GHDC: variants seen among roughly 807,000 people sequenced by gnomAD.
The protein encoded by GHDC is GH3 domain-containing protein.
In GHDC, 39 loss-of-function variants were observed where a neutral mutation model predicts 51.5. That is an observed-to-expected ratio of 0.76 (90% CI 0.59 to 0.99). The LOEUF (loss-of-function observed/expected upper bound fraction) is 0.99. Among genes scored for constraint, GHDC ranks in the 50% least tolerant of loss-of-function variants. The pLI is 0.00. For synonymous variants in GHDC, 282 were observed against 305.2 expected (o/e 0.92, Z 0.79); for missense variants, 610 against 672.8 (o/e 0.91, Z 1.03).
At position 42,189,777 on chromosome 17, in the gene GHDC, A is replaced by C. The variant is rs1598284550; in HGVS notation, c.1519T>G (p.Phe507Val). ...AGGACCCGGGGCATCGCAGGGGGGA[A>C]GGGGGAGGAGGGGCAGGCAGCGAGG... is the stretch of plus-strand genomic sequence containing the variant. ...AALAACPSSP[F>V]PPAMPRVLRH... The change falls in exon 10 of 10, where the codon TTC (phenylalanine) becomes GTC (valine). Residue 507 changes from phenylalanine to valine, a missense_variant. Around this residue, in one of 2 missense-constraint regions of GHDC, gnomAD observed 412 missense variants for 410.4 expected, o/e 1.00. Transcript: ENST00000587427. 6 of 1,535,322 alleles carry C rather than the reference A, an allele frequency of 3.9e-6. No homozygotes were observed. Among genetic ancestry groups the C allele is most frequent in the East Asian group, 2.3e-5 (1 of 42,670 alleles).
Position 42,189,118 on chromosome 17 carries a change from C to G in GHDC, c.*585G>C. On this transcript the variant is annotated 3_prime_UTR_variant, in exon 10 of 10. Transcript: ENST00000587427. ...TGCAAGAGGTTTATTTGGGAGCCAT[C>G]CCAGGAAGCCCAAGGCGGGGGAGTG... 1 of 398,728 alleles carries G rather than the reference C, an allele frequency of 2.5e-6. No individual in the cohort carries two copies. The highest frequency in any genetic ancestry group is 4.4e-6 in the Non-Finnish European group (1 of 226,148). 24.7% of individuals were successfully genotyped at this position (398,728 alleles called of 1,614,324 possible). A position where few individuals can be genotyped will look rare whatever the true frequency, so the allele number is the denominator to read the frequency against.
At chr17:42,190,981 T>C (rs1254083166) in intron 6 of GHDC, 37 bp downstream of exon 6, 4 of 1,564,912 alleles carry the variant, frequency 2.6e-6, no homozygotes, top group Non-Finnish European at 3.5e-6. Flanking sequence ...CACGGTCCCA[T>C]AGGGCCCCAG....
rs1161216859 is a variant in GHDC, at chr17:42,192,978, G to A, written c.315C>T (p.Thr105=). The part of the protein sequence containing the change: ...NHLPLTKASQ[T]QQEDSGEQPL... ...GCTGCTCTCCACTGTCTTCCTGCTG[G>A]GTCTGGCTGGCCTTGGTCAGAGGGA... Residue 105 remains threonine (T), a synonymous_variant, in exon 4 of 10, where the codon ACC becomes ACT. Coordinates refer to ENST00000587427, the MANE Select transcript of GHDC (RefSeq NM_032484.5). 6.2e-7 allele frequency: 1 copy of A among 1,614,114 alleles called. No homozygotes were observed. Among genetic ancestry groups the A allele is most frequent in the South Asian group, 1.1e-5 (1 of 91,084 alleles).
Position 42,190,890 on chromosome 17 carries a change from C to T in GHDC, c.1096G>A (p.Asp366Asn). 1 of 1,608,948 alleles carries T rather than the reference C, an allele frequency of 6.2e-7. No homozygotes were observed. The highest frequency in any genetic ancestry group is 1.1e-5 in the South Asian group (1 of 90,696). Residue 366 changes from aspartate (D) to asparagine (N), a missense_variant, in exon 7 of 10, where the codon GAT becomes AAT. By Grantham distance (23) the Asp-to-Asn change is conservative. Transcript: ENST00000587427. ...RASLTRCRLG[D>N]VVRVVGAYNQ... is the part of the protein sequence containing the mutation. ...TAGGCACCAACCACTCGCACCACATCACCCAGGCGGCACCTGATGGGGTGC... is the reference window on the plus strand; with the variant it reads ...TAGGCACCAACCACTCGCACCACATTACCCAGGCGGCACCTGATGGGGTGC...
chr17:42,190,545 C>A, intron 8 of GHDC, 79 bp downstream of exon 8: 1 of 1,514,194 alleles, frequency 6.6e-7, no homozygotes, highest in Non-Finnish European at 8.8e-7. Context: ...TATCTCTTTC[C>A]TAGCAGTCCC....
chr17:42,191,869 C>T (rs1235448516), intron 5 of GHDC, among the ~76,000 whole-genome samples: 1 of 150,282 alleles, frequency 6.7e-6, no homozygotes, highest in African/African-American at 2.5e-5. Flanking sequence ...TTTAAGCAAT[C>T]CTCCCGCCTC....
chr17:42,190,420 T>A, intron 8 of GHDC, 150 bp from the exon 9 acceptor site: 4 of 1,514,570 alleles, frequency 2.6e-6, no homozygotes, highest in Non-Finnish European at 3.6e-6. Context: ...GAGAGGAACC[T>A]AGAGCTTGAT....
At position 42,192,600 on chromosome 17, in the gene GHDC, G is replaced by T; in HGVS notation, c.530C>A (p.Pro177His). 6.2e-7 allele frequency: 1 copy of T among 1,613,580 alleles called. No homozygotes were observed. The highest frequency in any genetic ancestry group is 8.5e-7 in the Non-Finnish European group (1 of 1,179,988). The change falls in exon 5 of 10, where the codon CCT (proline) becomes CAT (histidine). Residue 177 changes from proline to histidine, a missense_variant. Physicochemically the swap from Pro to His is moderately conservative, Grantham distance 77 (BLOSUM62 -2). This residue lies in a region of GHDC where 198 missense variants were observed against 262.3 expected (regional missense o/e 0.75). Transcript: ENST00000587427. ...PGNTLGQVGTPGTKDPRALLL... is the reference protein window; with the variant it reads ...PGNTLGQVGTHGTKDPRALLL... Reference sequence around the variant, plus strand: ...CAGGGCCCTAGGGTCCTTGGTTCCAGGGGTGCCCACCTGGCCCAGGGTATT... The same window carrying T: ...CAGGGCCCTAGGGTCCTTGGTTCCATGGGTGCCCACCTGGCCCAGGGTATT...
chr17:42,192,807 G>A (rs2079980213), intron 4 of GHDC, 65 bp from the exon 5 acceptor site: 3 of 1,548,840 alleles, frequency 1.9e-6, no homozygotes, highest in Non-Finnish European at 2.6e-6. Flanking sequence ...CCATTTGGGG[G>A]TTCTTTGCCC....
At position 42,189,443 on chromosome 17, in the gene GHDC, T is replaced by A. The variant is rs1028563554; in HGVS notation, c.*260A>T. The A allele has an allele frequency of 2.5e-6, 1 of 397,674 alleles. No homozygotes were observed. The highest frequency in any genetic ancestry group is 4.4e-6 in the Non-Finnish European group (1 of 226,030). The allele number at this position is 397,674 out of a possible 1,614,324, so 24.6% of individuals were successfully genotyped here. On this transcript the variant is annotated 3_prime_UTR_variant, in exon 10 of 10. Transcript: ENST00000587427. Reference sequence around the variant, plus strand: ...TGATACAGGAAACCATCGGTGTGCATGGTAACTCTCTAGCAGTGTCCTTCA... The same window carrying A: ...TGATACAGGAAACCATCGGTGTGCAAGGTAACTCTCTAGCAGTGTCCTTCA...
Position 42,193,314 on chromosome 17 carries a change from C to T in GHDC, c.265+3G>A, listed in dbSNP as rs780587731. Reference sequence around the variant, plus strand: ...TCACCTCCCCAGACCCTGGGAAACACACCTGTGCTCCTTCTGAGGGAACAG... The same window carrying T: ...TCACCTCCCCAGACCCTGGGAAACATACCTGTGCTCCTTCTGAGGGAACAG... On this transcript the variant is annotated splice_donor_region_variant and intron_variant, in intron 3 of 9. Transcript: ENST00000587427. 3.1e-6 allele frequency: 5 copies of T among 1,594,288 alleles called. No homozygotes were observed. The highest frequency in any genetic ancestry group is 1.3e-5 in the African/African-American group (1 of 74,700).
chr17:42,192,217 TCA>T (rs2079973725), intron 5 of GHDC, 22 bp downstream of exon 5: 7 of 1,516,110 alleles, frequency 4.6e-6, no homozygotes, highest in Non-Finnish European at 6.2e-6. Flanking sequence ...TGCCCCCACC[TCA>T]CTGCCCTTGA....
Position 42,190,678 on chromosome 17 carries a change from G to A in GHDC, c.1234C>T (p.Gln412Ter). 6.2e-7 allele frequency: 1 copy of A among 1,613,764 alleles called. No homozygotes were observed. Among genetic ancestry groups the A allele is most frequent in the Non-Finnish European group, 8.5e-7 (1 of 1,179,960 alleles). Reference protein sequence around the residue: ...FSEALGRAVGQWAGAKLLDHG... With the variant: ...FSEALGRAVG ...TCCAGCAGCTTGGCCCCCGCCCACT[G>A]CCCCACTGCCCGGCCCAGGGCCTCA... The change falls in exon 8 of 10, where the codon CAG (glutamine) becomes TAG (stop). Residue 412 changes from glutamine to a stop codon, truncating the protein, a stop_gained. Transcript: ENST00000587427. LOFTEE classifies it high-confidence loss of function.
Position 42,189,221 on chromosome 17 carries a change from T to A in GHDC, c.*482A>T. 1 of 397,790 alleles carries A rather than the reference T, an allele frequency of 2.5e-6. No individual in the cohort carries two copies. The highest frequency in any genetic ancestry group is 4.4e-6 in the Non-Finnish European group (1 of 225,954). The allele number at this position is 397,790 out of a possible 1,614,324, so 24.6% of individuals were successfully genotyped here. On this transcript the variant is annotated 3_prime_UTR_variant, in exon 10 of 10. Coordinates refer to ENST00000587427, the MANE Select transcript of GHDC (RefSeq NM_032484.5). ...ACTGCTGCGGGCAACTGGGACTCCA[T>A]CCTGCTGGGCATCCTCTGAGAGTTT...
Position 42,189,846 on chromosome 17 carries a change from C to T in GHDC, c.1450G>A (p.Val484Ile). The T allele has an allele frequency of 6.4e-7, 1 of 1,561,418 alleles. No individual in the cohort carries two copies. Among genetic ancestry groups the T allele is most frequent in the Non-Finnish European group, 8.7e-7 (1 of 1,153,860 alleles). Residue 484 changes from valine to isoleucine, a missense_variant, in exon 10 of 10, where the codon GTC becomes ATC. By Grantham distance (29) the Val-to-Ile change is conservative. Around this residue, in one of 2 missense-constraint regions of GHDC, gnomAD observed 412 missense variants for 410.4 expected, o/e 1.00. Transcript: ENST00000587427. ...AAGGCTCCCTGCCCCACCAGGTGGA[C>T]TCTGGCAGGGCCCACGCTGCCCCAG... ...RFWGSVGPAR[V>I]HLVGQGAFRA...
At position 42,189,476 on chromosome 17, in the gene GHDC, A is replaced by G; in HGVS notation, c.*227T>C. On this transcript the variant is annotated 3_prime_UTR_variant, in exon 10 of 10. Coordinates refer to ENST00000587427, the MANE Select transcript of GHDC (RefSeq NM_032484.5). ...CTCTAGCAGTGTCCTTCATGCCGGG[A>G]CATGGGGACACGGGCAGGCACTGCT... The G allele has an allele frequency of 2.4e-6, 1 of 415,418 alleles. No homozygotes were observed. Among genetic ancestry groups the G allele is most frequent in the Non-Finnish European group, 4.2e-6 (1 of 236,460 alleles). 25.7% of individuals were successfully genotyped at this position (415,418 alleles called of 1,614,324 possible). A position where few individuals can be genotyped will look rare whatever the true frequency, so the allele number is the denominator to read the frequency against.
In GHDC at chr17:42,193,351, G is replaced by A; in HGVS notation, c.231C>T (p.Ala77=). Residue 77 remains alanine (A), a synonymous_variant, in exon 3 of 10, where the codon GCC becomes GCT. Coordinates refer to ENST00000587427, the MANE Select transcript of GHDC (RefSeq NM_032484.5). The stretch of plus-strand genomic sequence containing the variant: ...TTCTGAGGGAACAGTGGGGGCGCTG[G>A]GCTCCCTGTAGACACCACCTCAGGG... ...QQALRWCLQG[A]QRPHCSLRRS... is the part of the protein sequence containing the mutation. 1 of 1,606,566 alleles carries A rather than the reference G, an allele frequency of 6.2e-7. No homozygotes were observed. The highest frequency in any genetic ancestry group is 8.5e-7 in the Non-Finnish European group (1 of 1,176,862).
rs145507063 is a variant in GHDC, at chr17:42,190,229, C to T, written c.1330G>A (p.Ala444Thr). ...GSAPHYEVFV[A>T]LRGLRNLSEE... Reference sequence around the variant, plus strand: ...GACAGATTCCTCAGCCCCCTCAGCGCCACAAACACCTCGTAGTGGGGAGCA... The same window carrying T: ...GACAGATTCCTCAGCCCCCTCAGCGTCACAAACACCTCGTAGTGGGGAGCA... Residue 444 changes from alanine (A) to threonine (T), a missense_variant, in exon 9 of 10, where the codon GCG becomes ACG. Ala to Thr is a moderately conservative substitution (Grantham distance 58). Transcript: ENST00000587427. 3.4e-5 allele frequency: 55 copies of T among 1,614,196 alleles called. No individual in the cohort carries two copies. In the African/African-American group the frequency reaches 7.3e-4, roughly 22 times the overall value.
At chr17:42,192,883 G>A in intron 4 of GHDC, 23 bp downstream of exon 4, 2 of 1,612,958 alleles carry the variant, frequency 1.2e-6, no homozygotes, top group Non-Finnish European at 1.7e-6. Flanking sequence ...GGCCAGGACT[G>A]GGCTCTGGCC....
Sources: gnomAD v4.1 joint callset for allele counts (sites outside exome capture counted in the v4.1 genomes callset) on GRCh38, gnomAD v4.1.1 for gene constraint, gnomAD v4.1.1 regional missense constraint, MANE v1.5 for transcripts, NCBI Gene and HGNC (gene_info 2026-07-23, HGNC 2026-07-21) for gene names.